Variants in OSCP1 observed in about 807,000 individuals in gnomAD.
The protein encoded by OSCP1 is protein OSCP1.
OSCP1 carries 35 observed loss-of-function variants against 45.1 expected under a neutral mutation model. The observed-to-expected ratio is 0.78, with a 90% CI of 0.59 to 1.03. The LOEUF (loss-of-function observed/expected upper bound fraction) is 1.03. OSCP1 is among the 50% of genes least tolerant of loss of function. The pLI is 0.00. For synonymous variants in OSCP1, 179 were observed against 180.1 expected (o/e 0.99, Z 0.05); for missense variants, 400 against 470.7 (o/e 0.85, Z 1.39).
chr1:36,419,901 T>G (rs531345991), intron 8 of OSCP1, among the ~76,000 whole-genome samples: 1 of 152,242 alleles, frequency 6.6e-6, no homozygotes, highest in South Asian at 2.1e-4. Context: ...TAACCTTAAA[T>G]TCCTGGGCTC....
intron 8 of OSCP1, chr1:36,419,276 T>C (rs1028182675): frequency 1.8e-6 from 1 of 542,958 alleles, no homozygotes; most frequent in African/African-American, 1.9e-5. Context: ...CAAGAATGTT[T>C]CTTCCCTTCC....
intron 1 of OSCP1, among the ~76,000 whole-genome samples, chr1:36,439,750 C>G (rs1035246843): frequency 3.3e-5 from 5 of 152,156 alleles, no homozygotes; most frequent in African/African-American, 1.2e-4. Flanking sequence ...GATCTATAAT[C>G]TTGATACTAC....
chr1:36,421,480 C>T (rs2124774569), intron 7 of OSCP1, among the ~76,000 whole-genome samples: 1 of 152,314 alleles, frequency 6.6e-6, no homozygotes, highest in African/African-American at 2.4e-5. Context: ...GTCCACTGGA[C>T]AGACATGAAT....
chr1:36,442,162 G>A (rs1205764529), intron 1 of OSCP1, among the ~76,000 whole-genome samples: 1 of 151,424 alleles, frequency 6.6e-6, no homozygotes, highest in African/African-American at 2.4e-5. Context: ...GGGAGCGGAG[G>A]TTGTAGTGAG....
Position 36,432,417 on chromosome 1 carries a change from CTT to C in OSCP1, c.435+3_435+4del. On this transcript the variant is annotated splice_donor_region_variant and intron_variant, in intron 3 of 9. Transcript: ENST00000235532. ...TGAGAGGCGAGACACTGATGGCACTCTTACTTCTGTCAGCTGCCGCAAAGTCT... is the reference window on the plus strand; with the variant it reads ...TGAGAGGCGAGACACTGATGGCACTCACTTCTGTCAGCTGCCGCAAAGTCT... The C allele has an allele frequency of 1.2e-6, 2 of 1,613,712 alleles. No individual in the cohort carries two copies. The highest frequency in any genetic ancestry group is 1.7e-6 in the Non-Finnish European group (2 of 1,179,808).
In OSCP1 at chr1:36,441,338, T is replaced by C. The variant is rs115791249; in HGVS notation, c.113-2428A>G. Among the ~76,000 whole-genome samples the C allele has an allele frequency of 9.4e-3, 1,429 of 152,282 alleles. 16 individuals are homozygous for C. The highest frequency in any genetic ancestry group is 0.016 in the Non-Finnish European group (1,081 of 68,018). Reference sequence around the variant, plus strand: ...CAGCCCTTGGTTGAGGCAGACCTATTAGGTACCAGACAGTGAAATAAACAC... The same window carrying C: ...CAGCCCTTGGTTGAGGCAGACCTATCAGGTACCAGACAGTGAAATAAACAC... On this transcript the variant is annotated intron_variant, in intron 1 of 9. Coordinates refer to ENST00000235532, the MANE Select transcript of OSCP1 (RefSeq NM_145047.5).
At chr1:36,441,710 C>T (rs1212726666) in intron 1 of OSCP1, among the ~76,000 whole-genome samples, 2 of 125,794 alleles carry the variant, frequency 1.6e-5, no homozygotes, top group African/African-American at 6.2e-5. Flanking sequence ...GAGATCGCGC[C>T]ACTGAACTCC....
rs1647557471 is a variant in OSCP1, at chr1:36,420,530, C to A, written c.905G>T (p.Ser302Ile). The A allele has an allele frequency of 6.2e-7, 1 of 1,614,092 alleles. No homozygotes were observed. Among genetic ancestry groups the A allele is most frequent in the Non-Finnish European group, 8.5e-7 (1 of 1,180,012 alleles). ...CAACCGGAATCCGGGCTCAGGGCCA[C>A]TGGGTTTCTTAATCTCCATCCCTCC... The part of the protein sequence containing the change: ...LMGGMEIKKP[S>I]GPEPGFRLNL... Residue 302 changes from serine to isoleucine, a missense_variant, in exon 8 of 10, where the codon AGT (serine) becomes ATT (isoleucine). By Grantham distance (142) the Ser-to-Ile change is moderately radical (BLOSUM62 -2). Coordinates refer to ENST00000235532, the MANE Select transcript of OSCP1 (RefSeq NM_145047.5).
chr1:36,441,624 C>T lies in OSCP1; in HGVS notation c.113-2714G>A, dbSNP rs577841068. Among the ~76,000 whole-genome samples, 6 of 151,436 alleles carry T rather than the reference C, an allele frequency of 4.0e-5. No individual in the cohort carries two copies. The East Asian group carries it at 9.8e-4, about 25-fold the overall frequency. On this transcript the variant is annotated intron_variant, in intron 1 of 9. Coordinates refer to ENST00000235532, the MANE Select transcript of OSCP1 (RefSeq NM_145047.5). The stretch of plus-strand genomic sequence containing the variant: ...AAAATTAGCCGGGCGTGATGGCGGG[C>T]GCCTGCAGTCCCAGCTACCGGGAGG...
chr1:36,436,362 A>T (rs1423699240), intron 2 of OSCP1, among the ~76,000 whole-genome samples: 1 of 149,406 alleles, frequency 6.7e-6, no homozygotes, highest in Admixed American at 6.6e-5. Flanking sequence ...CACCCGCCTC[A>T]GCCTCCCAAA....
intron 4 of OSCP1, among the ~76,000 whole-genome samples, chr1:36,424,096 C>T (rs933202388): frequency 6.6e-6 from 1 of 152,056 alleles, no homozygotes; most frequent in African/African-American, 2.4e-5. Flanking sequence ...AGGTGTGAGC[C>T]ACTGTGCCCA....
chr1:36,443,172 C>G (rs1649304632), intron 1 of OSCP1, among the ~76,000 whole-genome samples: 1 of 152,108 alleles, frequency 6.6e-6, no homozygotes, highest in East Asian at 1.9e-4. Flanking sequence ...CCATGTTGGC[C>G]AGGCTGGCCT....
At chr1:36,424,492 C>T (rs1414352957) in intron 4 of OSCP1, among the ~76,000 whole-genome samples, 1 of 152,146 alleles carries the variant, frequency 6.6e-6, no homozygotes, top group Non-Finnish European at 1.5e-5. Context: ...CATGAGGCAG[C>T]TCAGAGGTTA....
At chr1:36,441,453 A>C (rs1367709299) in intron 1 of OSCP1, among the ~76,000 whole-genome samples, 2 of 152,168 alleles carry the variant, frequency 1.3e-5, no homozygotes, top group African/African-American at 4.8e-5. Context: ...GTTTTTTTAA[A>C]AAATTTAATT....
In OSCP1 at chr1:36,444,010, T is replaced by A. The variant is rs572607037; in HGVS notation, c.113-5100A>T. The stretch of plus-strand genomic sequence containing the variant: ...CAGCCCGGAGATAGCATACCTCGTT[T>A]TCTGTCCACCTCTGTCCATTCATCT... On this transcript the variant is annotated intron_variant, in intron 1 of 9. Transcript: ENST00000235532. 43 of 1,613,802 alleles carry A rather than the reference T, an allele frequency of 2.7e-5. No individual in the cohort carries two copies. The East Asian group carries it at 9.1e-4, about 34-fold the overall frequency.
rs143351034 is a variant in OSCP1 at position 36,431,801 on chromosome 1, C to G, written c.516+1G>C. On this transcript the variant is annotated splice_donor_variant, in intron 4 of 9. Coordinates refer to ENST00000235532, the MANE Select transcript of OSCP1 (RefSeq NM_145047.5). LOFTEE classifies it high-confidence loss of function. ...GTTCCCAGGGCTGCCTATTGACTTA[C>G]TCGGATGTGCAGGTCTTGGAAGAAG... 6.2e-7 allele frequency: 1 copy of G among 1,613,362 alleles called. No homozygotes were observed. Among genetic ancestry groups the G allele is most frequent in the East Asian group, 2.2e-5 (1 of 44,876 alleles).
intron 2 of OSCP1, among the ~76,000 whole-genome samples, chr1:36,438,548 C>T (rs919595575): frequency 6.6e-5 from 10 of 152,126 alleles, no homozygotes; most frequent in Non-Finnish European, 1.5e-4. Context: ...TCTCTTTGGG[C>T]AGGTGGAATG....
chr1:36,422,701 CTTTT>C, intron 6 of OSCP1, 63 bp downstream of exon 6: 3 of 1,202,988 alleles, frequency 2.5e-6, no homozygotes, highest in Admixed American at 2.8e-5. Context: ...GGCTGTTTCT[CTTTT>C]TTTTTTTTTA....
At chr1:36,446,732 G>A (rs1195056661) in intron 1 of OSCP1, among the ~76,000 whole-genome samples, 3 of 152,244 alleles carry the variant, frequency 2.0e-5, no homozygotes, top group Non-Finnish European at 2.9e-5. Context: ...CCCTTTGGTT[G>A]CTTGTGCTAC....
Sources: allele counts gnomAD v4.1 joint callset (sites outside exome capture counted in the v4.1 genomes callset), GRCh38; gene constraint gnomAD v4.1.1; transcripts MANE v1.5; gene names NCBI Gene and HGNC (gene_info 2026-07-23, HGNC 2026-07-21).